Variants in SLIT1 observed in about 807,000 individuals in gnomAD.
SLIT1 encodes slit homolog 1 protein.
A neutral mutation model predicts 186.1 loss-of-function variants in SLIT1; 66 were observed. The observed-to-expected ratio is 0.35, with a 90% confidence interval of 0.29 to 0.44. The LOEUF is 0.44. Ranked by LOEUF, SLIT1 falls within the 20% of genes least tolerant of loss-of-function variation. The pLI, the probability that SLIT1 is intolerant of heterozygous loss-of-function variation, is 1.00. For missense variants in SLIT1, 1,638 were observed against 2,037.4 expected (o/e 0.80, Z 3.77); for synonymous variants, 761 against 833.8 (o/e 0.91, Z 1.50).
Position 97,018,592 on chromosome 10 carries a change from G to T in SLIT1, c.2963C>A (p.Pro988Gln). The stretch of plus-strand genomic sequence containing the variant: ...GCCCCTCCAGGTAACTCACGTGAAC[G>T]GGGCATCCTCGCCCTCCTGTGCATG... ...TCHAQEGEDA[P>Q]FTCSCPTGFE... Residue 988 changes from proline to glutamine, a missense_variant, in exon 28 of 37, where the codon CCG becomes CAG. By Grantham distance (76) the Pro-to-Gln change is moderately conservative. Around this residue, in one of 3 missense-constraint regions of SLIT1, gnomAD observed 1,245 missense variants for 1,535.3 expected, o/e 0.81. Transcript: ENST00000266058. The T allele has an allele frequency of 6.3e-7, 1 of 1,579,130 alleles. No homozygotes were observed.
chr10:97,159,276 A>T (rs1037767084), intron 3 of SLIT1, among the ~76,000 whole-genome samples: 1 of 152,184 alleles, frequency 6.6e-6, no homozygotes, highest in Non-Finnish European at 1.5e-5. Context: ...CACATTGGGC[A>T]CCGCCATGTT....
At chr10:97,070,980 A>C (rs1262135841) in intron 4 of SLIT1, among the ~76,000 whole-genome samples, 1 of 152,128 alleles carries the variant, frequency 6.6e-6, no homozygotes, top group Non-Finnish European at 1.5e-5. Context: ...GGGACTACAG[A>C]TGCTCTACGG....
At chr10:97,169,861 T>A (rs1850164368) in intron 1 of SLIT1, among the ~76,000 whole-genome samples, 1 of 152,240 alleles carries the variant, frequency 6.6e-6, no homozygotes, top group Admixed American at 6.5e-5. Context: ...CACGGATGCA[T>A]GAAGCAACTT....
intron 4 of SLIT1, among the ~76,000 whole-genome samples, chr10:97,079,328 T>C (rs182576536): frequency 2.0e-5 from 3 of 152,364 alleles, no homozygotes; most frequent in Admixed American, 6.5e-5. Context: ...GAACTCATGA[T>C]GTTTTACTTT....
intron 31 of SLIT1, among the ~76,000 whole-genome samples, chr10:97,008,021 G>A (rs928789383): frequency 5.3e-5 from 8 of 150,044 alleles, no homozygotes; most frequent in Admixed American, 4.6e-4. Context: ...AGGCAGGAAG[G>A]CAAGAAGGAA....
chr10:97,144,659 G>C (rs1188804163), intron 4 of SLIT1, among the ~76,000 whole-genome samples: 1 of 152,146 alleles, frequency 6.6e-6, no homozygotes, highest in East Asian at 1.9e-4. Context: ...TGACCTGCAG[G>C]CTCCCAGGCC....
chr10:97,156,274 T>A (rs1849950910), intron 4 of SLIT1, among the ~76,000 whole-genome samples: 1 of 152,102 alleles, frequency 6.6e-6, no homozygotes, highest in South Asian at 2.1e-4. Context: ...AAATTAGAGT[T>A]CCATTGTAAA....
In SLIT1 at chr10:97,043,088, G is replaced by A. The variant is rs746204582; in HGVS notation, c.1998-21C>T. 48 of 1,610,174 alleles carry A rather than the reference G, an allele frequency of 3.0e-5. No individual in the cohort carries two copies. Among genetic ancestry groups the A allele is most frequent in the Admixed American group, 2.2e-4 (13 of 59,854 alleles). ...GATTCCTGGAAGAGGCAGGCCAGGC[G>A]GCCATGGAGACACTCTGCCCCTCTC... On this transcript the variant is annotated intron_variant, in intron 19 of 36. Coordinates refer to ENST00000266058, the MANE Select transcript of SLIT1 (RefSeq NM_003061.3). The surrounding 1 kb of genome is among the most constrained non-coding windows in gnomAD (Gnocchi z 7.0).
intron 13 of SLIT1, among the ~76,000 whole-genome samples, chr10:97,049,801 T>C (rs755866155): frequency 3.9e-5 from 6 of 152,240 alleles, no homozygotes; most frequent in Non-Finnish European, 8.8e-5. Flanking sequence ...AGCCCCTTGC[T>C]GGGGATTCAC....
At chr10:97,031,944 TG>T (rs554900142) in intron 23 of SLIT1, among the ~76,000 whole-genome samples, 57 of 152,396 alleles carry the variant, frequency 3.7e-4, no homozygotes, top group African/African-American at 1.3e-3. Context: ...AGGGCTGTCC[TG>T]GGGACGAAAT....
At chr10:97,092,415 A>G (rs1849241788) in intron 4 of SLIT1, among the ~76,000 whole-genome samples, 1 of 152,212 alleles carries the variant, frequency 6.6e-6, no homozygotes, top group South Asian at 2.1e-4. Flanking sequence ...TGAATATGAG[A>G]ACAATGTGAT....
At chr10:97,018,943 C>T (rs1224684184) in intron 27 of SLIT1, 40 bp downstream of exon 27, 8 of 1,310,288 alleles carry the variant, frequency 6.1e-6, no homozygotes, top group South Asian at 1.2e-5. Flanking sequence ...GCAGTGTACA[C>T]GAAGAGCCCT....
At position 97,001,270 on chromosome 10, in the gene SLIT1, G is replaced by C. The variant is rs373041969; in HGVS notation, c.4447C>G (p.Leu1483Val). The C allele has an allele frequency of 6.2e-7, 1 of 1,613,252 alleles. No homozygotes were observed. The highest frequency in any genetic ancestry group is 1.1e-5 in the South Asian group (1 of 91,080). ...GYAICQTTRP[L>V]SWVECRGSCP... ...GAGCCCCGGCACTCCACCCATGACAGGGGGCGCGTGGTCTGGCAGATGGCA... is the reference window on the plus strand; with the variant it reads ...GAGCCCCGGCACTCCACCCATGACACGGGGCGCGTGGTCTGGCAGATGGCA... Residue 1483 changes from leucine (L) to valine (V), a missense_variant, in exon 37 of 37, where the codon CTG becomes GTG. By Grantham distance (32) the Leu-to-Val change is conservative. This residue lies in a region of SLIT1 where 220 missense variants were observed against 211.3 expected (regional missense o/e 1.04). Transcript: ENST00000266058.
At chr10:97,156,989 A>C (rs1849960011) in intron 4 of SLIT1, among the ~76,000 whole-genome samples, 1 of 152,242 alleles carries the variant, frequency 6.6e-6, no homozygotes, top group Non-Finnish European at 1.5e-5. Context: ...GCTCTTCAAA[A>C]ACTAGGTAGT....
At chr10:97,119,913 G>GTATATATATA (rs55656011) in intron 4 of SLIT1, among the ~76,000 whole-genome samples, 6,718 of 56,072 alleles carry the variant, frequency 0.12, 900 homozygotes, top group Non-Finnish European at 0.15. Context: ...TTCCAAAGGG[G>GTATATATATA]TATATATATA....
At chr10:97,047,936 C>T (rs1848749623) in intron 15 of SLIT1, 37 bp downstream of exon 15, 1 of 1,613,954 alleles carries the variant, frequency 6.2e-7, no homozygotes, top group Non-Finnish European at 8.5e-7. Context: ...TACCACCATT[C>T]CCGCCAGGCT....
At chr10:97,062,927 T>TG (rs1161542810) in intron 8 of SLIT1, among the ~76,000 whole-genome samples, 1 of 151,946 alleles carries the variant, frequency 6.6e-6, no homozygotes, top group Non-Finnish European at 1.5e-5. Flanking sequence ...AGGGGGAAGG[T>TG]GAAAGGGTGT....
chr10:97,050,415 C>T (rs192281690), intron 13 of SLIT1, among the ~76,000 whole-genome samples: 3 of 152,342 alleles, frequency 2.0e-5, no homozygotes, highest in Admixed American at 6.5e-5. Context: ...TCTGGCCCCC[C>T]GGTTGGGAGC....
In SLIT1 at chr10:97,022,806, C is replaced by T. The variant is rs1368450475; in HGVS notation, c.2583-1393G>A. 6.6e-6 allele frequency among the ~76,000 whole-genome samples: 1 copy of T among 152,258 alleles called. No individual in the cohort carries two copies. On this transcript the variant is annotated intron_variant, in intron 25 of 36. Transcript: ENST00000266058. This position sits in a 1 kb window ranked among gnomAD's most constrained non-coding sequence, Gnocchi z 4.2. ...GGGTCACCATGCTCAGGCGTGTAGC[C>T]TTCCAGGCCTTTCCCACACGTACAC...
Sources: gnomAD v4.1 joint callset for allele counts (sites outside exome capture counted in the v4.1 genomes callset) on GRCh38, gnomAD v4.1.1 for gene constraint, gnomAD v4.1.1 regional missense constraint, Gnocchi (gnomAD v3.1) non-coding constraint, MANE v1.5 for transcripts, NCBI Gene and HGNC (gene_info 2026-07-23, HGNC 2026-07-21) for gene names.